The following ABL2 variants were observed in gnomAD, a reference collection of about 807,000 sequenced individuals.
ABL2 encodes ABL proto-oncogene 2, non-receptor tyrosine kinase.
Under a neutral mutation model 107.7 loss-of-function variants are expected in ABL2, and 49 were observed. That is an observed-to-expected ratio of 0.45 (90% CI 0.36 to 0.58). The LOEUF (loss-of-function observed/expected upper bound fraction) is 0.58, where lower values mean the gene tolerates loss of function less well. Among genes scored for constraint, ABL2 ranks in the 20% least tolerant of loss-of-function variants. The probability of loss-of-function intolerance (pLI) is 0.00; values close to 1 mark genes in which losing one functional copy is unlikely to be tolerated. For synonymous variants in ABL2, 549 were observed against 548.6 expected (o/e 1.00, Z -0.01); for missense variants, 1,245 against 1,457.0 (o/e 0.85, Z 2.37).
In ABL2 at chr1:179,199,494, C is replaced by G. The variant is rs138954159; in HGVS notation, c.157+29747G>C. Among the ~76,000 whole-genome samples the G allele has an allele frequency of 2.1e-3, 320 of 152,226 alleles. 2 individuals carry two copies. Among genetic ancestry groups the G allele is most frequent in the African/African-American group, 7.4e-3 (306 of 41,544 alleles). The stretch of plus-strand genomic sequence containing the variant: ...CTTTACCTTCTCTCTTTTTCTCCCC[C>G]TTTAAACTTCTCCAATCTCTCTACA... On this transcript the variant is annotated intron_variant, in intron 1 of 11. Coordinates refer to ENST00000502732, the MANE Select transcript of ABL2 (RefSeq NM_007314.4).
Position 179,107,979 on chromosome 1 carries a change from C to G in ABL2, c.3288G>C (p.Leu1096=). 1 of 1,614,248 alleles carries G rather than the reference C, an allele frequency of 6.2e-7. No individual in the cohort carries two copies. The highest frequency in any genetic ancestry group is 8.5e-7 in the Non-Finnish European group (1 of 1,180,052). ...GCACAGGTTCCGTGAGTGCACTGGACAGTAGGTCAGCACATTCCAGCAGGG... is the reference window on the plus strand; with the variant it reads ...GCACAGGTTCCGTGAGTGCACTGGAGAGTAGGTCAGCACATTCCAGCAGGG... ...KEALLECADL[L]SSALTEPVPN... Residue 1096 remains leucine, a synonymous_variant, in exon 12 of 12, where the codon CTG becomes CTC. Transcript: ENST00000502732.
chr1:179,183,938 A>G, intron 1 of ABL2: 1 of 267,164 alleles, frequency 3.7e-6, no homozygotes, highest in Admixed American at 4.4e-5. Flanking sequence ...GCCTCTCTAG[A>G]CTTGCCGAAG....
intron 1 of ABL2, among the ~76,000 whole-genome samples, chr1:179,149,843 G>A (rs916529164): frequency 1.2e-4 from 19 of 152,130 alleles, no homozygotes; most frequent in African/African-American, 4.6e-4. Context: ...TGGTCACTTG[G>A]TACATTTAAT....
rs1400502071 is a variant in ABL2 at position 179,108,487 on chromosome 1, T to G, written c.2780A>C (p.His927Pro). 1.2e-6 allele frequency: 2 copies of G among 1,614,198 alleles called. No individual in the cohort carries two copies. Among genetic ancestry groups the G allele is most frequent in the Admixed American group, 1.7e-5 (1 of 60,018 alleles). The stretch of plus-strand genomic sequence containing the variant: ...GATAAGGACTGGCACTTTGTGGTTG[T>G]GAGTGGTTGGGAGGACGGGGGCAGC... ...AKAAPVLPTT[H>P]NHKVPVLISP... The change falls in exon 12 of 12, where the codon CAC (histidine) becomes CCC (proline). Residue 927 changes from histidine to proline, a missense_variant. By Grantham distance (77) the His-to-Pro change is moderately conservative. Transcript: ENST00000502732.
intron 1 of ABL2, among the ~76,000 whole-genome samples, chr1:179,167,138 T>C (rs1336434409): frequency 1.3e-5 from 2 of 152,184 alleles, no homozygotes; most frequent in Admixed American, 6.5e-5. Flanking sequence ...AGGAAAGATA[T>C]GGAATTAACC....
intron 1 of ABL2, among the ~76,000 whole-genome samples, chr1:179,140,374 G>T (rs888585556): frequency 6.6e-6 from 1 of 152,118 alleles, no homozygotes; most frequent in Non-Finnish European, 1.5e-5. Flanking sequence ...CCATTTTAAA[G>T]TACATCTATT....
At position 179,176,702 on chromosome 1, in the gene ABL2, C is replaced by CTTTTTTTTTTTTTTTTTT. The variant is rs35138436; in HGVS notation, c.158-43329_158-43328insAAAAAAAAAAAAAAAAAA. The stretch of plus-strand genomic sequence containing the variant: ...TTTGTTTTTAGTGTTGTTACATATT[C>CTTTTTTTTTTTTTTTTTT]TTTTTTTTTTCCAGACAGATTCTCA... On this transcript the variant is annotated intron_variant, in intron 1 of 11. Transcript: ENST00000502732. Among the ~76,000 whole-genome samples, 16 of 107,296 alleles carry CTTTTTTTTTTTTTTTTTT rather than the reference C, an allele frequency of 1.5e-4. 2 individuals carry two copies. The highest frequency in any genetic ancestry group is 2.9e-4 in the South Asian group (1 of 3,500). 70.4% of individuals were successfully genotyped at this position (107,296 alleles called of 152,430 possible). A position where few individuals can be genotyped will look rare whatever the true frequency, so the allele number is the denominator to read the frequency against.
chr1:179,225,683 G>A (rs992232499), intron 1 of ABL2, among the ~76,000 whole-genome samples: 1 of 152,128 alleles, frequency 6.6e-6, no homozygotes, highest in Non-Finnish European at 1.5e-5. Flanking sequence ...ATCCTACAAT[G>A]CACAGGACAG....
intron 1 of ABL2, among the ~76,000 whole-genome samples, chr1:179,219,326 G>T (rs1558007145): frequency 1.3e-5 from 2 of 152,060 alleles, no homozygotes; most frequent in Non-Finnish European, 2.9e-5. Context: ...TTACAGACGT[G>T]AGCTACCATG....
chr1:179,182,193 G>A lies in ABL2; in HGVS notation c.157+47048C>T, dbSNP rs142081802. ...CCATGGTCCATCATTATAATCACTT[G>A]CTCCTCTCTCACTTGGACATACTCA... On this transcript the variant is annotated intron_variant, in intron 1 of 11. Coordinates refer to ENST00000502732, the MANE Select transcript of ABL2 (RefSeq NM_007314.4). Among the ~76,000 whole-genome samples, 53 of 151,876 alleles carry A rather than the reference G, an allele frequency of 3.5e-4. 1 individual carries two copies. Among genetic ancestry groups the A allele is most frequent in the African/African-American group, 1.3e-3 (53 of 41,438 alleles).
chr1:179,180,471 G>A (rs1326016670), intron 1 of ABL2, among the ~76,000 whole-genome samples: 1 of 152,286 alleles, frequency 6.6e-6, no homozygotes, highest in Non-Finnish European at 1.5e-5. Context: ...GATACTGAAT[G>A]AGACTCTGCT....
intron 8 of ABL2, 132 bp downstream of exon 8, chr1:179,117,200 T>A: frequency 1.1e-6 from 1 of 948,700 alleles, no homozygotes; most frequent in South Asian, 1.5e-5. Context: ...AACAAATGCT[T>A]GCTGAATAAC....
chr1:179,183,837 C>A, intron 1 of ABL2: 1 of 178,570 alleles, frequency 5.6e-6, no homozygotes, highest in Non-Finnish European at 1.2e-5. Context: ...ACTTTCCTAG[C>A]AGCATGGCCC....
chr1:179,108,403 C>T lies in ABL2; in HGVS notation c.2864G>A (p.Gly955Glu). The T allele has an allele frequency of 6.2e-7, 1 of 1,614,210 alleles. No individual in the cohort carries two copies. Among genetic ancestry groups the T allele is most frequent in the Non-Finnish European group, 8.5e-7 (1 of 1,180,040 alleles). ...CTCAGATAAGAGCTTGAATTTATTC[C>T]CCTGAGAGTCTGTGCCAATGAGCTG... ...DVQLIGTDSQ[G>E]NKFKLLSEHQ... The change falls in exon 12 of 12, where the codon GGG becomes GAG. Residue 955 changes from glycine (G) to glutamate (E), a missense_variant. Physicochemically the swap from Gly to Glu is moderately conservative, Grantham distance 98. Coordinates refer to ENST00000502732, the MANE Select transcript of ABL2 (RefSeq NM_007314.4).
At position 179,107,555 on chromosome 1, in the gene ABL2, TTGAGA is replaced by T; in HGVS notation, c.*158_*162del. The T allele has an allele frequency of 1.4e-6, 2 of 1,381,954 alleles. No individual in the cohort carries two copies. Among genetic ancestry groups the T allele is most frequent in the Non-Finnish European group, 1.9e-6 (2 of 1,049,458 alleles). 85.6% of individuals were successfully genotyped at this position (1,381,954 alleles called of 1,614,324 possible). A position where few individuals can be genotyped will look rare whatever the true frequency, so the allele number is the denominator to read the frequency against. ...TACTTATGTGGTTTGCTTCTTATTT[TTGAGA>T]TGAAACTGTAAACGTGAGAACTCAG... On this transcript the variant is annotated 3_prime_UTR_variant, in exon 12 of 12. Coordinates refer to ENST00000502732, the MANE Select transcript of ABL2 (RefSeq NM_007314.4).
At chr1:179,173,212 GA>G (rs963712747) in intron 1 of ABL2, among the ~76,000 whole-genome samples, 1 of 149,050 alleles carries the variant, frequency 6.7e-6, no homozygotes, top group African/African-American at 2.5e-5. Context: ...AACAACAACA[GA>G]AAAAAAACGT....
intron 1 of ABL2, chr1:179,184,180 C>G (rs1409542420): frequency 9.0e-6 from 4 of 444,320 alleles, no homozygotes; most frequent in African/African-American, 6.1e-5. Context: ...GACAAAGACG[C>G]ACTGCATTAT....
chr1:179,189,377 G>GC (rs1313747601), intron 1 of ABL2, among the ~76,000 whole-genome samples: 3 of 152,180 alleles, frequency 2.0e-5, no homozygotes, highest in African/African-American at 7.2e-5. Context: ...CAGGTGATCC[G>GC]CCCACCTTGG....
chr1:179,114,279 C>T (rs908383289), intron 9 of ABL2, among the ~76,000 whole-genome samples: 1 of 151,464 alleles, frequency 6.6e-6, no homozygotes, highest in Non-Finnish European at 1.5e-5. Flanking sequence ...GCATGGTGTG[C>T]GTGCCTGTGG....
Sources: gnomAD v4.1 joint callset for allele counts (sites outside exome capture counted in the v4.1 genomes callset) on GRCh38, gnomAD v4.1.1 for gene constraint, MANE v1.5 for transcripts, NCBI Gene and HGNC (gene_info 2026-07-23, HGNC 2026-07-21) for gene names.